The following CCDC102B variants were observed in gnomAD, a reference collection of about 807,000 sequenced individuals.
CCDC102B encodes coiled-coil domain-containing protein 102B.
Under a neutral mutation model 57.4 loss-of-function variants are expected in CCDC102B, and 75 were observed. The observed-to-expected ratio is 1.31, with a 90% CI of 1.08 to 1.58. CCDC102B has a LOEUF of 1.58. CCDC102B is among the 40% of genes most tolerant of loss of function. The pLI is 0.00. For missense variants in CCDC102B, 636 were observed against 582.6 expected (o/e 1.09, Z -0.94); for synonymous variants, 206 against 201.9 (o/e 1.02, Z -0.17).
chr18:68,886,094 G>A (rs182319084), intron 5 of CCDC102B, among the ~76,000 whole-genome samples: 136 of 151,826 alleles, frequency 9.0e-4, no homozygotes, highest in African/African-American at 3.3e-3. Flanking sequence ...CACGTGGCCG[G>A]GGGCAGTGGC....
At chr18:68,861,544 CTACT>C (rs2038758324) in intron 4 of CCDC102B, among the ~76,000 whole-genome samples, 1 of 152,074 alleles carries the variant, frequency 6.6e-6, no homozygotes, top group African/African-American at 2.4e-5. Context: ...GCTATCTTAC[CTACT>C]GAGTACTGAG....
chr18:68,957,742 C>G (rs1430657196), intron 6 of CCDC102B, among the ~76,000 whole-genome samples: 2 of 151,886 alleles, frequency 1.3e-5, no homozygotes, highest in African/African-American at 2.4e-5. Context: ...TCTTTCAATC[C>G]TTGAACATGA....
At chr18:68,847,257 T>G (rs28727952) in intron 4 of CCDC102B, among the ~76,000 whole-genome samples, 50,557 of 151,206 alleles carry the variant, frequency 0.33, 9,474 homozygotes, top group East Asian at 0.64. Flanking sequence ...CAGGAACCTC[T>G]CTGGGTATGG....
chr18:68,749,374 C>G (rs2033754872), intron 2 of CCDC102B, among the ~76,000 whole-genome samples: 1 of 151,996 alleles, frequency 6.6e-6, no homozygotes, highest in Non-Finnish European at 1.5e-5. Context: ...GGCAGTATGG[C>G]CATTTTCACG....
chr18:68,819,959 A>G (rs2036631131), intron 1 of CCDC102B, among the ~76,000 whole-genome samples: 1 of 152,078 alleles, frequency 6.6e-6, no homozygotes, highest in African/African-American at 2.4e-5. Flanking sequence ...ATCACTTACT[A>G]GTTTTAATAG....
At chr18:68,773,046 A>C (rs937349793) in intron 2 of CCDC102B, among the ~76,000 whole-genome samples, 3 of 152,098 alleles carry the variant, frequency 2.0e-5, no homozygotes, top group African/African-American at 7.2e-5. Flanking sequence ...AATATAAAAT[A>C]GAAGCTAGAA....
At chr18:69,005,569 C>A (rs2051318665) in intron 6 of CCDC102B, among the ~76,000 whole-genome samples, 1 of 151,888 alleles carries the variant, frequency 6.6e-6, no homozygotes, top group South Asian at 2.1e-4. Flanking sequence ...CTCATTATGT[C>A]ATTTTAAGGT....
intron 7 of CCDC102B, among the ~76,000 whole-genome samples, chr18:69,026,674 C>T (rs1006175937): frequency 1.2e-4 from 18 of 151,974 alleles, no homozygotes; most frequent in Admixed American, 7.2e-4. Context: ...AGTTCTGGGG[C>T]GGGAGAAGAA....
At chr18:68,978,161 T>A (rs2145282499) in intron 6 of CCDC102B, among the ~76,000 whole-genome samples, 1 of 152,184 alleles carries the variant, frequency 6.6e-6, no homozygotes, top group East Asian at 1.9e-4. Context: ...GAGTGAGCCC[T>A]GGGCACCAGA....
intron 2 of CCDC102B, among the ~76,000 whole-genome samples, chr18:68,748,265 T>C (rs1490607742): frequency 6.7e-6 from 1 of 148,736 alleles, no homozygotes; most frequent in African/African-American, 2.5e-5. Context: ...TGTTTGCTAT[T>C]GAGTTGTAGA....
chr18:68,802,910 C>A (rs2035904836), intron 1 of CCDC102B, among the ~76,000 whole-genome samples: 14 of 152,164 alleles, frequency 9.2e-5, no homozygotes, highest in Admixed American at 9.2e-4. Context: ...ATATCCTATC[C>A]ACTTTCCACG....
intron 6 of CCDC102B, among the ~76,000 whole-genome samples, chr18:69,007,309 A>G (rs1434493043): frequency 1.3e-5 from 2 of 152,158 alleles, no homozygotes; most frequent in Non-Finnish European, 2.9e-5. Flanking sequence ...CTCACATAAC[A>G]AAAAATACCA....
At chr18:68,974,841 G>A (rs1052306030) in intron 6 of CCDC102B, among the ~76,000 whole-genome samples, 2 of 151,802 alleles carry the variant, frequency 1.3e-5, no homozygotes, top group African/African-American at 4.8e-5. Context: ...ATCTACAGGA[G>A]CACTGCATGA....
chr18:68,806,490 G>A (rs80137046), intron 1 of CCDC102B, among the ~76,000 whole-genome samples: 1,598 of 152,060 alleles, frequency 0.011, 20 homozygotes, highest in African/African-American at 0.036. Flanking sequence ...AATATTATTA[G>A]TAATTATCTT....
intron 6 of CCDC102B, among the ~76,000 whole-genome samples, chr18:68,912,202 C>T (rs559459484): frequency 9.9e-5 from 15 of 152,058 alleles, no homozygotes; most frequent in African/African-American, 3.6e-4. Context: ...AGTTTCAGTC[C>T]TGGGTTAGAA....
At chr18:69,035,649 A>G (rs1379168029) in intron 7 of CCDC102B, among the ~76,000 whole-genome samples, 1 of 152,120 alleles carries the variant, frequency 6.6e-6, no homozygotes, top group Non-Finnish European at 1.5e-5. Flanking sequence ...AAGTCTTAGT[A>G]AAATGTCTTT....
At chr18:68,843,084 G>A (rs1028425550) in intron 3 of CCDC102B, among the ~76,000 whole-genome samples, 2 of 152,078 alleles carry the variant, frequency 1.3e-5, no homozygotes, top group Non-Finnish European at 2.9e-5. Context: ...TAAATTAACT[G>A]TATATGGCTT....
intron 7 of CCDC102B, among the ~76,000 whole-genome samples, chr18:69,040,455 A>G (rs911511013): frequency 6.8e-6 from 1 of 146,160 alleles, no homozygotes; most frequent in Non-Finnish European, 1.5e-5. Context: ...CTCAGTGTTA[A>G]ATTTGACTCT....
rs934986035 is a variant in CCDC102B, at chr18:68,956,696, C to A, written c.1264-54238C>A. On this transcript the variant is annotated intron_variant, in intron 6 of 7. Transcript: ENST00000360242. ...AGTTGTATTTATAGTTTTTGAGGAA[C>A]CTCCAAACTATTCTCTGCACAGTGG... Among the ~76,000 whole-genome samples the A allele has an allele frequency of 1.4e-5, 2 of 142,744 alleles. 1 individual carries two copies. Among genetic ancestry groups the A allele is most frequent in the South Asian group, 4.3e-4 (2 of 4,700 alleles). The allele number at this position is 142,744 out of a possible 152,430, so 93.6% of individuals were successfully genotyped here.
Sources: gnomAD v4.1 joint callset for allele counts (sites outside exome capture counted in the v4.1 genomes callset) on GRCh38, gnomAD v4.1.1 for gene constraint, MANE v1.5 for transcripts, NCBI Gene and HGNC (gene_info 2026-07-23, HGNC 2026-07-21) for gene names.